The following CPSF7 variants were observed in gnomAD, a reference collection of about 807,000 sequenced individuals.
CPSF7 encodes the protein cleavage and polyadenylation specificity factor subunit 7.
CPSF7 carries 1 observed loss-of-function variant against 44.3 expected under a neutral mutation model. That is an observed-to-expected ratio of 0.02 (90% CI 0.01 to 0.11). The LOEUF (loss-of-function observed/expected upper bound fraction) is 0.11, where lower values mean the gene tolerates loss of function less well. Among genes scored for constraint, CPSF7 ranks in the 10% least tolerant of loss-of-function variants. CPSF7 has a pLI of 1.00. For missense variants in CPSF7, 443 were observed against 607.2 expected (o/e 0.73, Z 2.84); for synonymous variants, 202 against 222.0 (o/e 0.91, Z 0.80).
chr11:61,409,093 G>T (rs934499805), intron 9 of CPSF7, among the ~76,000 whole-genome samples: 2 of 151,912 alleles, frequency 1.3e-5, no homozygotes, highest in Non-Finnish European at 2.9e-5. Context: ...AGCCATGATG[G>T]TGCCTCATGA....
chr11:61,428,541 G>T (rs567584714), intron 2 of CPSF7, among the ~76,000 whole-genome samples: 3 of 152,064 alleles, frequency 2.0e-5, no homozygotes, highest in African/African-American at 7.3e-5. Flanking sequence ...TCCAACTGAG[G>T]GTATGTGCAT....
intron 7 of CPSF7, among the ~76,000 whole-genome samples, chr11:61,412,249 C>T (rs1590683246): frequency 6.6e-6 from 1 of 151,960 alleles, no homozygotes; most frequent in Non-Finnish European, 1.5e-5. Flanking sequence ...TACTTCTGTT[C>T]ACAAGTGTGT....
At position 61,426,820 on chromosome 11, in the gene CPSF7, G is replaced by A. The variant is rs149729171; in HGVS notation, c.54+2362C>T. 5.7e-3 allele frequency: 875 copies of A among 152,356 alleles called. 4 individuals carry two copies. The highest frequency in any genetic ancestry group is 9.4e-3 in the Non-Finnish European group (640 of 68,138). 9.4% of individuals were successfully genotyped at this position (152,356 alleles called of 1,614,324 possible). On this transcript the variant is annotated intron_variant, in intron 2 of 9. Transcript: ENST00000439958. ...AGGTGGGCAGATCACAAGGTCAAGA[G>A]ATTGAGACCATCCTGGCCAACATGG...
At chr11:61,410,188 C>T (rs1859728814) in intron 9 of CPSF7, among the ~76,000 whole-genome samples, 2 of 152,006 alleles carry the variant, frequency 1.3e-5, no homozygotes, top group South Asian at 4.1e-4. Context: ...GCCTCGACCT[C>T]CTAGGCTCAA....
chr11:61,429,750 G>A (rs1276770809), intron 1 of CPSF7, 164 bp downstream of exon 1: 1 of 1,533,208 alleles, frequency 6.5e-7, no homozygotes, highest in Non-Finnish European at 8.8e-7. Context: ...GCTCCCTCCC[G>A]ACAAACCCGG....
intron 7 of CPSF7, 115 bp from the exon 8 acceptor site, chr11:61,412,052 G>A (rs1379473494): frequency 5.1e-5 from 43 of 836,942 alleles, no homozygotes; most frequent in Non-Finnish European, 7.2e-5. Flanking sequence ...CCAAACAACC[G>A]CGGTAAAAGA....
At chr11:61,415,221 G>C (rs1860213075) in intron 7 of CPSF7, among the ~76,000 whole-genome samples, 1 of 152,152 alleles carries the variant, frequency 6.6e-6, no homozygotes, top group Non-Finnish European at 1.5e-5. Context: ...CTGGGCGACA[G>C]GGCAAGACTC....
intron 7 of CPSF7, among the ~76,000 whole-genome samples, chr11:61,412,953 A>G (rs886567208): frequency 5.9e-5 from 9 of 152,224 alleles, no homozygotes; most frequent in Non-Finnish European, 8.8e-5. Flanking sequence ...TGGTCCTTGT[A>G]TAGAGGACTA....
intron 2 of CPSF7, among the ~76,000 whole-genome samples, chr11:61,427,768 T>C (rs1426115165): frequency 6.6e-6 from 1 of 152,070 alleles, no homozygotes; most frequent in Admixed American, 6.6e-5. Flanking sequence ...AAAAGTATAA[T>C]TGGTGAAGCT....
chr11:61,412,141 T>C (rs978427590), intron 7 of CPSF7, among the ~76,000 whole-genome samples: 3 of 152,178 alleles, frequency 2.0e-5, no homozygotes, highest in African/African-American at 7.2e-5. Context: ...TGTTGTCAGA[T>C]GAACAAACTG....
chr11:61,429,963 C>G lies in CPSF7; in HGVS notation c.-105G>C, dbSNP rs1861812707. 1 of 1,308,964 alleles carries G rather than the reference C, an allele frequency of 7.6e-7. No homozygotes were observed. The highest frequency in any genetic ancestry group is 1.4e-5 in the South Asian group (1 of 70,068). The allele number at this position is 1,308,964 out of a possible 1,614,324, so 81.1% of individuals were successfully genotyped here. A position where few individuals can be genotyped will look rare whatever the true frequency, so the allele number is the denominator to read the frequency against. Reference sequence around the variant, plus strand: ...GAGTCCGGACTAGGCCCGAAGCGCGCGAACCGCTCTCCGCCCCAGGTCCCG... The same window carrying G: ...GAGTCCGGACTAGGCCCGAAGCGCGGGAACCGCTCTCCGCCCCAGGTCCCG... On this transcript the variant is annotated 5_prime_UTR_variant, in exon 1 of 10. Transcript: ENST00000439958.
chr11:61,428,286 G>A (rs1338917718), intron 2 of CPSF7, among the ~76,000 whole-genome samples: 1 of 152,138 alleles, frequency 6.6e-6, no homozygotes, highest in Admixed American at 6.5e-5. Flanking sequence ...GGCTCAGGGA[G>A]TACCTCTTGC....
At chr11:61,421,977 CTTA>C (rs1278191027) in intron 2 of CPSF7, among the ~76,000 whole-genome samples, 3 of 152,162 alleles carry the variant, frequency 2.0e-5, no homozygotes, top group African/African-American at 7.2e-5. Context: ...CTAATGAAAA[CTTA>C]TTTTCAGTAT....
At chr11:61,407,018 CT>C (rs1859395767) in intron 9 of CPSF7, among the ~76,000 whole-genome samples, 1 of 152,184 alleles carries the variant, frequency 6.6e-6, no homozygotes, top group Non-Finnish European at 1.5e-5. Flanking sequence ...CGATCTGCCC[CT>C]CTCGGCCTCC....
chr11:61,429,023 T>C (rs1232889481), intron 2 of CPSF7, 159 bp downstream of exon 2: 1 of 518,498 alleles, frequency 1.9e-6, no homozygotes, highest in African/African-American at 1.9e-5. Flanking sequence ...TAAAGAGGAA[T>C]GGAGTGTAGT....
intron 3 of CPSF7, 74 bp downstream of exon 3, chr11:61,421,316 T>G (rs1248086906): frequency 1.6e-6 from 2 of 1,284,914 alleles, no homozygotes; most frequent in South Asian, 2.5e-5. Flanking sequence ...CAACAGTAGT[T>G]TCTGAAAATG....
intron 1 of CPSF7, 36 bp from the exon 2 acceptor site, chr11:61,429,326 A>C (rs1302723217): frequency 7.9e-7 from 1 of 1,266,152 alleles, no homozygotes; most frequent in Non-Finnish European, 1.2e-6. Flanking sequence ...ATTAGAAGGC[A>C]CGAGGGTCCT....
At chr11:61,422,811 T>A (rs1042573921) in intron 2 of CPSF7, among the ~76,000 whole-genome samples, 18 of 152,110 alleles carry the variant, frequency 1.2e-4, no homozygotes, top group African/African-American at 4.1e-4. Context: ...CTACAACTAC[T>A]ACTACTACGA....
chr11:61,417,297 C>A (rs571046634), intron 5 of CPSF7, among the ~76,000 whole-genome samples: 1 of 152,246 alleles, frequency 6.6e-6, no homozygotes, highest in African/African-American at 2.4e-5. Flanking sequence ...GGCAGCCTAA[C>A]AGGAACACCA....
Sources: gnomAD v4.1 joint callset for allele counts (sites outside exome capture counted in the v4.1 genomes callset) on GRCh38, gnomAD v4.1.1 for gene constraint, MANE v1.5 for transcripts, NCBI Gene and HGNC (gene_info 2026-07-23, HGNC 2026-07-21) for gene names.